The following VWA3B variants were observed in gnomAD, a reference collection of about 807,000 sequenced individuals.
VWA3B encodes the protein von Willebrand factor A domain-containing protein 3B.
VWA3B carries 138 observed loss-of-function variants against 158.3 expected under a neutral mutation model. That is an observed-to-expected ratio of 0.87 (90% CI 0.76 to 1.00). The LOEUF is 1.00. Ranked by LOEUF, VWA3B falls within the 50% of genes least tolerant of loss-of-function variation. VWA3B has a pLI of 0.00. For missense variants in VWA3B, 1,555 were observed against 1,565.1 expected, an observed-to-expected ratio of 0.99 and a Z score of 0.11; for synonymous variants, 596 against 587.3, an observed-to-expected ratio of 1.01 and a Z score of -0.21.
At chr2:98,188,818 T>G (rs1681344223) in intron 10 of VWA3B, among the ~76,000 whole-genome samples, 1 of 151,908 alleles carries the variant, frequency 6.6e-6, no homozygotes, top group South Asian at 2.1e-4. Context: ...AAGGTGGGGG[T>G]TGTTTGGATT....
At chr2:98,241,072 C>T (rs1224141680) in intron 19 of VWA3B, among the ~76,000 whole-genome samples, 1 of 152,002 alleles carries the variant, frequency 6.6e-6, no homozygotes, top group African/African-American at 2.4e-5. Context: ...GTGGGAAGTG[C>T]TGAGTGAAGA....
At chr2:98,234,580 G>A in intron 16 of VWA3B, 68 bp from the exon 17 acceptor site, 2 of 1,603,438 alleles carry the variant, frequency 1.2e-6, no homozygotes, top group African/African-American at 1.3e-5. Flanking sequence ...TGATAAAATA[G>A]TTATATCTAA....
chr2:98,129,224 AGTGT>A (rs1228441504), intron 6 of VWA3B, among the ~76,000 whole-genome samples: 1,854 of 124,614 alleles, frequency 0.015, 15 homozygotes, highest in Non-Finnish European at 0.021. Context: ...AGAGAGAGAG[AGTGT>A]GTGTGTGTGT....
rs934878762 is a variant in VWA3B at position 98,188,099 on chromosome 2, T to A, written c.1436T>A (p.Ile479Asn). 1.2e-6 allele frequency: 2 copies of A among 1,613,852 alleles called. No individual in the cohort carries two copies. The highest frequency in any genetic ancestry group is 2.7e-5 in the African/African-American group (2 of 75,022). ...AAGTGCAAGTGGTACAGTGAGAGAA[T>A]CCACACAGCCCTGGCCCGGATCCGA... ...KEKCKWYSER[I>N]HTALARIRRR... Residue 479 changes from isoleucine (I) to asparagine (N), a missense_variant, in exon 10 of 28, where the codon ATC becomes AAC. By Grantham distance (149) the Ile-to-Asn change is moderately radical. Coordinates refer to ENST00000477737, the MANE Select transcript of VWA3B (RefSeq NM_144992.5).
At chr2:98,317,332 C>CG (rs1553443839), downstream of VWA3B, among the ~76,000 whole-genome samples, 6 of 99,362 alleles carry the variant, frequency 6.0e-5, no homozygotes, top group Admixed American at 1.3e-4. Flanking sequence ...AAATTCTAAA[C>CG]CCCCCCCAGC....
chr2:98,274,848 A>T (rs965825880), intron 22 of VWA3B, among the ~76,000 whole-genome samples: 1 of 152,218 alleles, frequency 6.6e-6, no homozygotes, highest in Non-Finnish European at 1.5e-5. Context: ...GGGAGAGAAC[A>T]GGTAACAGAG....
chr2:98,228,124 TA>T, intron 14 of VWA3B, 77 bp from the exon 15 acceptor site: 1 of 1,480,576 alleles, frequency 6.8e-7, no homozygotes, highest in Non-Finnish European at 9.0e-7. Flanking sequence ...CTCTTGTCTC[TA>T]AAAAGAAAAG....
chr2:98,312,408 C>T lies in VWA3B; in HGVS notation c.*59C>T. On this transcript the variant is annotated 3_prime_UTR_variant, in exon 28 of 28. Coordinates refer to ENST00000477737, the MANE Select transcript of VWA3B (RefSeq NM_144992.5). Reference sequence around the variant, plus strand: ...GCGTCCTTCCAGGCTGTTCAGACCTCAGCGTTGACACTGAAACTGGCCCCT... The same window carrying T: ...GCGTCCTTCCAGGCTGTTCAGACCTTAGCGTTGACACTGAAACTGGCCCCT... 1 of 1,541,986 alleles carries T rather than the reference C, an allele frequency of 6.5e-7. No homozygotes were observed. The highest frequency in any genetic ancestry group is 1.3e-5 in the South Asian group (1 of 79,492).
At chr2:98,094,937 T>A (rs1682608548) in intron 2 of VWA3B, among the ~76,000 whole-genome samples, 1 of 152,212 alleles carries the variant, frequency 6.6e-6, no homozygotes, top group Admixed American at 6.5e-5. Context: ...TGTACATACA[T>A]ATGTGGATTT....
chr2:98,160,275 A>T (rs1361511143), intron 7 of VWA3B, among the ~76,000 whole-genome samples: 2 of 152,170 alleles, frequency 1.3e-5, no homozygotes, highest in Non-Finnish European at 2.9e-5. Flanking sequence ...GTGCATTGTC[A>T]TGATGCTTTT....
At position 98,115,704 on chromosome 2, in the gene VWA3B, G is replaced by A. The variant is rs2104936700; in HGVS notation, c.249G>A (p.Leu83=). ...RPVASRYADG[L]FPQLYRAEDG... is the part of the protein sequence containing the mutation. ...TGGCTTCTCGGTATGCTGATGGTCT[G>A]TTTCCACAGCTCTACAGAGCAGAAG... The change falls in exon 3 of 28, where the codon CTG becomes CTA. Residue 83 remains leucine, a synonymous_variant. Coordinates refer to ENST00000477737, the MANE Select transcript of VWA3B (RefSeq NM_144992.5). 1 of 1,613,730 alleles carries A rather than the reference G, an allele frequency of 6.2e-7. No individual in the cohort carries two copies. Among genetic ancestry groups the A allele is most frequent in the African/African-American group, 1.3e-5 (1 of 75,036 alleles).
At chr2:98,295,520 G>A (rs1297597340) in intron 23 of VWA3B, among the ~76,000 whole-genome samples, 2 of 152,182 alleles carry the variant, frequency 1.3e-5, no homozygotes, top group South Asian at 2.1e-4. Flanking sequence ...ACTGAGGCAG[G>A]GAGCCAACTC....
chr2:98,250,454 C>A lies in VWA3B; in HGVS notation c.2792+18C>A. 1 of 1,561,524 alleles carries A rather than the reference C, an allele frequency of 6.4e-7. No individual in the cohort carries two copies. The highest frequency in any genetic ancestry group is 8.7e-7 in the Non-Finnish European group (1 of 1,143,714). ...TATGAAAAGTGAGTATTACTCTTGG[C>A]TGCTCTTTAATGGATGTGGAATTTA... On this transcript the variant is annotated intron_variant, in intron 20 of 27. Transcript: ENST00000477737.
intron 22 of VWA3B, among the ~76,000 whole-genome samples, chr2:98,288,462 C>A (rs1442460532): frequency 6.6e-6 from 1 of 152,132 alleles, no homozygotes; most frequent in Non-Finnish European, 1.5e-5. Context: ...GTTCTCAAAG[C>A]CTTTGCTGTG....
At chr2:98,163,161 A>G (rs1472314848) in intron 8 of VWA3B, among the ~76,000 whole-genome samples, 185 bp downstream of exon 8, 1 of 151,410 alleles carries the variant, frequency 6.6e-6, no homozygotes, top group Non-Finnish European at 1.5e-5. Context: ...ATGCATGGAC[A>G]TGTGTGTGTG....
chr2:98,257,223 G>T (rs1687212538), intron 21 of VWA3B, among the ~76,000 whole-genome samples: 1 of 151,976 alleles, frequency 6.6e-6, no homozygotes. Context: ...TCTGTGCCGG[G>T]CTTATCTCAC....
chr2:98,315,600 T>C (rs113202289), downstream of VWA3B, among the ~76,000 whole-genome samples: 1,025 of 152,366 alleles, frequency 6.7e-3, 1 homozygote, highest in Admixed American at 0.012. Context: ...TACATACTTC[T>C]AAGCTCCTTT....
intron 12 of VWA3B, among the ~76,000 whole-genome samples, chr2:98,208,549 A>G (rs768370586): frequency 5.3e-5 from 8 of 152,004 alleles, no homozygotes; most frequent in Non-Finnish European, 8.8e-5. Flanking sequence ...TAATAGTTCT[A>G]TGTATTTCCT....
chr2:98,295,173 G>A (rs1402285530), intron 23 of VWA3B, among the ~76,000 whole-genome samples: 1 of 152,126 alleles, frequency 6.6e-6, no homozygotes, highest in Non-Finnish European at 1.5e-5. Flanking sequence ...GGACTGTGAA[G>A]GATGACACTG....
Sources: gnomAD v4.1 joint callset for allele counts (sites outside exome capture counted in the v4.1 genomes callset) on GRCh38, gnomAD v4.1.1 for gene constraint, MANE v1.5 for transcripts, NCBI Gene and HGNC (gene_info 2026-07-23, HGNC 2026-07-21) for gene names.